The following ADGRL1 variants were observed in gnomAD, a reference collection of about 807,000 sequenced individuals.
The protein encoded by ADGRL1 is CIRL-1.
In ADGRL1, 31 loss-of-function variants were observed where a neutral mutation model predicts 148.9. That is an observed-to-expected ratio of 0.21 (90% CI 0.16 to 0.28). The LOEUF (loss-of-function observed/expected upper bound fraction) is 0.28. Ranked by LOEUF, ADGRL1 falls within the 10% of genes least tolerant of loss-of-function variation. ADGRL1 has a pLI of 1.00. For synonymous variants in ADGRL1, 937 were observed against 900.3 expected (o/e 1.04, Z -0.73); for missense variants, 1,521 against 2,058.8 (o/e 0.74, Z 5.05).
intron 4 of ADGRL1, among the ~76,000 whole-genome samples, chr19:14,164,174 G>C (rs1258768617): frequency 6.6e-6 from 1 of 152,034 alleles, no homozygotes; most frequent in South Asian, 2.1e-4. Flanking sequence ...GACGGGGAAT[G>C]AAAGAGTCTG....
intron 4 of ADGRL1, 91 bp from the exon 5 acceptor site, chr19:14,163,497 A>AGAGAG (rs1168521164): frequency 1.4e-6 from 1 of 720,050 alleles, no homozygotes; most frequent in South Asian, 2.6e-5. Flanking sequence ...AGAGAGAGAG[A>AGAGAG]GGGGGGAGAG....
rs768903461 is a variant in ADGRL1 at position 14,155,471 on chromosome 19, A to G, written c.3182T>C (p.Phe1061Ser). ...CTCCTTGTTGATGAAGAGGAGGCCG[A>G]AAGCCCAGGTGAGGCCCAGCAGGAA... The part of the protein sequence containing the change: ...LLFLLGLTWA[F>S]GLLFINKESV... Residue 1061 changes from phenylalanine (F) to serine (S), a missense_variant, in exon 18 of 23, where the codon TTC (phenylalanine) becomes TCC (serine). Physicochemically the swap from Phe to Ser is radical, Grantham distance 155. Coordinates refer to ENST00000361434, the MANE Select transcript of ADGRL1 (RefSeq NM_014921.5). The surrounding 1 kb of genome is among the most constrained non-coding windows in gnomAD (Gnocchi z 5.0). 1 of 1,613,962 alleles carries G rather than the reference A, an allele frequency of 6.2e-7. No homozygotes were observed. Among genetic ancestry groups the G allele is most frequent in the Non-Finnish European group, 8.5e-7 (1 of 1,180,006 alleles).
chr19:14,159,152 T>A lies in ADGRL1; in HGVS notation c.2087A>T (p.Glu696Val). Residue 696 changes from glutamate to valine, a missense_variant, in exon 11 of 23, where the codon GAG becomes GTG. Glu to Val is a moderately radical substitution (Grantham distance 121). This residue lies in a region of ADGRL1 where 265 missense variants were observed against 431.9 expected (regional missense o/e 0.61). Transcript: ENST00000361434. This position sits in a 1 kb window ranked among gnomAD's most constrained non-coding sequence, Gnocchi z 6.0. ...QVQELVFPQE[E>V]YPRKNSIQLS... ...CTGGATGGAGTTCTTTCTCGGGTACTCCTCCTGGGGGAACACCAGCTCCTG... is the reference window on the plus strand; with the variant it reads ...CTGGATGGAGTTCTTTCTCGGGTACACCTCCTGGGGGAACACCAGCTCCTG... 1.2e-6 allele frequency: 2 copies of A among 1,614,068 alleles called. No individual in the cohort carries two copies. The highest frequency in any genetic ancestry group is 1.7e-6 in the Non-Finnish European group (2 of 1,180,000).
At position 14,152,633 on chromosome 19, in the gene ADGRL1, G is replaced by T. The variant is rs1343851470; in HGVS notation, c.3424-20C>A. On this transcript the variant is annotated intron_variant, in intron 19 of 22. Coordinates refer to ENST00000361434, the MANE Select transcript of ADGRL1 (RefSeq NM_014921.5). The surrounding 1 kb of genome is among the most constrained non-coding windows in gnomAD (Gnocchi z 6.1). ...TCGGCTCTGGGAACACAACCCAAATGTGAGGGGATCCTTGGGCCACCCACC... is the reference window on the plus strand; with the variant it reads ...TCGGCTCTGGGAACACAACCCAAATTTGAGGGGATCCTTGGGCCACCCACC... The T allele has an allele frequency of 6.2e-7, 1 of 1,611,556 alleles. No homozygotes were observed. The highest frequency in any genetic ancestry group is 1.7e-5 in the Admixed American group (1 of 59,898).
At chr19:14,154,786 T>G (rs1401916366) in intron 18 of ADGRL1, among the ~76,000 whole-genome samples, 1 of 151,794 alleles carries the variant, frequency 6.6e-6, no homozygotes, top group Non-Finnish European at 1.5e-5. Flanking sequence ...GGCTAATTTT[T>G]ATATTTTTTA....
At chr19:14,180,973 G>C (rs1971152030) in intron 2 of ADGRL1, among the ~76,000 whole-genome samples, 2 of 151,792 alleles carry the variant, frequency 1.3e-5, no homozygotes, top group African/African-American at 4.8e-5. Flanking sequence ...GTGTGAACCT[G>C]GGAGGTAGAG....
chr19:14,158,247 T>C lies in ADGRL1; in HGVS notation c.2364+91A>G, dbSNP rs1968969070. ...AAGTGGAAGAACCCATAACTTGTTC[T>C]GGAGGTGAGCACATGGAGGGGCAGG... On this transcript the variant is annotated intron_variant, in intron 12 of 22. Coordinates refer to ENST00000361434, the MANE Select transcript of ADGRL1 (RefSeq NM_014921.5). 9 of 1,382,438 alleles carry C rather than the reference T, an allele frequency of 6.5e-6. No homozygotes were observed. In the Admixed American group the frequency reaches 1.4e-4, roughly 21 times the overall value. The allele number at this position is 1,382,438 out of a possible 1,614,324, so 85.6% of individuals were successfully genotyped here. A position where few individuals can be genotyped will look rare whatever the true frequency, so the allele number is the denominator to read the frequency against.
At chr19:14,178,544 G>T (rs1360723275) in intron 2 of ADGRL1, among the ~76,000 whole-genome samples, 1 of 151,970 alleles carries the variant, frequency 6.6e-6, no homozygotes, top group Non-Finnish European at 1.5e-5. Flanking sequence ...GTTAAGATAG[G>T]ATCTTCCTCT....
chr19:14,196,227 G>A (rs113402941), intron 1 of ADGRL1, among the ~76,000 whole-genome samples: 11,055 of 152,236 alleles, frequency 0.073, 525 homozygotes, highest in Non-Finnish European at 0.11. Flanking sequence ...ACCAGAGGGC[G>A]CGTGTGAGCA....
chr19:14,181,470 G>A (rs150956844), intron 2 of ADGRL1, among the ~76,000 whole-genome samples: 2 of 152,136 alleles, frequency 1.3e-5, no homozygotes, highest in Non-Finnish European at 2.9e-5. Flanking sequence ...TGTAATCCCA[G>A]CACTTTGGAA....
At chr19:14,203,369 C>A (rs1327717780) in intron 1 of ADGRL1, among the ~76,000 whole-genome samples, 2 of 152,132 alleles carry the variant, frequency 1.3e-5, no homozygotes, top group African/African-American at 4.8e-5. Flanking sequence ...GGCAGTGCTC[C>A]CACTCCTCCC....
chr19:14,161,826 T>C lies in ADGRL1; in HGVS notation c.1196-200A>G, dbSNP rs561851174. Among the ~76,000 whole-genome samples, 10 of 152,270 alleles carry C rather than the reference T, an allele frequency of 6.6e-5. No individual in the cohort carries two copies. Among genetic ancestry groups the C allele is most frequent in the Non-Finnish European group, 8.8e-5 (6 of 68,010 alleles). On this transcript the variant is annotated intron_variant, in intron 5 of 22. Coordinates refer to ENST00000361434, the MANE Select transcript of ADGRL1 (RefSeq NM_014921.5). The surrounding 1 kb of genome is among the most constrained non-coding windows in gnomAD (Gnocchi z 4.4). ...AGTCCCTTATGCCCATGGGCCCATA[T>C]AAAGTAGCAAAGAGTGGTAAAAATC... is the stretch of plus-strand genomic sequence containing the variant.
intron 1 of ADGRL1, among the ~76,000 whole-genome samples, chr19:14,195,435 G>A (rs866715319): frequency 2.2e-5 from 3 of 139,136 alleles, no homozygotes; most frequent in African/African-American, 7.8e-5. Flanking sequence ...AACCCTCTGC[G>A]TGCTCGAGTG....
At chr19:14,191,294 C>T (rs180929247) in intron 1 of ADGRL1, 40 of 456,682 alleles carry the variant, frequency 8.8e-5, no homozygotes, top group African/African-American at 7.6e-4. Context: ...ATTACAGTGC[C>T]CTGCAGTCAC....
intron 1 of ADGRL1, among the ~76,000 whole-genome samples, chr19:14,189,816 C>A (rs1971821217): frequency 6.6e-6 from 1 of 152,186 alleles, no homozygotes; most frequent in South Asian, 2.1e-4. Flanking sequence ...GAAGTGATTA[C>A]CACAACCAAG....
intron 2 of ADGRL1, 30 bp downstream of exon 2, chr19:14,183,503 C>A (rs771531737): frequency 1.9e-6 from 3 of 1,547,512 alleles, no homozygotes; most frequent in Admixed American, 2.0e-5. Context: ...TTGGGAGCCG[C>A]GGCCCCTCCC....
chr19:14,188,887 C>T (rs571654099), intron 1 of ADGRL1, among the ~76,000 whole-genome samples: 123 of 152,086 alleles, frequency 8.1e-4, no homozygotes, highest in Non-Finnish European at 1.2e-3. Context: ...GATTCTCCTG[C>T]CTCAGCCTCC....
In ADGRL1 at chr19:14,157,533, A is replaced by C; in HGVS notation, c.2536-73T>G. 6.7e-7 allele frequency: 1 copy of C among 1,487,350 alleles called. No homozygotes were observed. Among genetic ancestry groups the C allele is most frequent in the South Asian group, 1.1e-5 (1 of 87,100 alleles). 92.1% of individuals were successfully genotyped at this position (1,487,350 alleles called of 1,614,324 possible). ...CTGGGCTCAGCCAGGTGCCAGCCAC[A>C]GACAGGGCCCTGGGCAAGGCCATGG... On this transcript the variant is annotated intron_variant, in intron 13 of 22. Transcript: ENST00000361434. This position sits in a 1 kb window ranked among gnomAD's most constrained non-coding sequence, Gnocchi z 7.5.
In ADGRL1 at chr19:14,156,911, A is replaced by G. The variant is rs1170065745; in HGVS notation, c.2966+14T>C. On this transcript the variant is annotated intron_variant, in intron 15 of 22. Transcript: ENST00000361434. ...CCAGGTGGGAGGGTGCAGGGCTGGGAGGTGGAAACTCACGCCTTCTCGGTG... is the reference window on the plus strand; with the variant it reads ...CCAGGTGGGAGGGTGCAGGGCTGGGGGGTGGAAACTCACGCCTTCTCGGTG... 2.5e-6 allele frequency: 4 copies of G among 1,605,880 alleles called. No homozygotes were observed. The highest frequency in any genetic ancestry group is 3.4e-6 in the Non-Finnish European group (4 of 1,178,652).
Sources: gnomAD v4.1 joint callset for allele counts (sites outside exome capture counted in the v4.1 genomes callset) on GRCh38, gnomAD v4.1.1 for gene constraint, gnomAD v4.1.1 regional missense constraint, Gnocchi (gnomAD v3.1) non-coding constraint, MANE v1.5 for transcripts, NCBI Gene and HGNC (gene_info 2026-07-23, HGNC 2026-07-21) for gene names.